Variants in GPC3 observed in about 807,000 individuals in gnomAD.
GPC3 encodes the protein glypican-3.
Under a neutral mutation model 34.4 loss-of-function variants are expected in GPC3, and 3 were observed. The observed-to-expected ratio is 0.09, with a 90% CI of 0.04 to 0.23. The LOEUF (loss-of-function observed/expected upper bound fraction) is 0.23. GPC3 is among the 10% of genes least tolerant of loss of function. The probability of loss-of-function intolerance (pLI) is 1.00; values close to 1 mark genes in which losing one functional copy is unlikely to be tolerated. For synonymous variants in GPC3, 177 were observed against 174.0 expected, an observed-to-expected ratio of 1.02 and a Z score of -0.13; for missense variants, 351 against 445.6, an observed-to-expected ratio of 0.79 and a Z score of 1.91.
chrX:133,847,377 A>T (rs1233358000), intron 2 of GPC3, among the ~76,000 whole-genome samples: 1 of 112,196 alleles, frequency 8.9e-6, no homozygotes, highest in Non-Finnish European at 1.9e-5. Flanking sequence ...TTCATTATTC[A>T]GGAAGAATAT....
chrX:133,600,643 G>A (rs1316639907), intron 6 of GPC3, among the ~76,000 whole-genome samples: 1 of 111,583 alleles, frequency 9.0e-6, no homozygotes, highest in Non-Finnish European at 1.9e-5. Context: ...TTAAAGAAGA[G>A]ACTGAAGCTC....
chrX:133,728,774 G>A (rs2071436974), intron 3 of GPC3, among the ~76,000 whole-genome samples: 1 of 112,197 alleles, frequency 8.9e-6, no homozygotes, highest in African/African-American at 3.2e-5. Flanking sequence ...CCTGAGTCTT[G>A]AAGGGCAATA....
chrX:133,556,906 G>A (rs1433688537), intron 7 of GPC3, among the ~76,000 whole-genome samples: 5 of 107,712 alleles, frequency 4.6e-5, no homozygotes, highest in Non-Finnish European at 7.7e-5. Context: ...ATGTACCCTA[G>A]AACTTAAAGT....
At chrX:133,627,380 T>G (rs2070316156) in intron 6 of GPC3, among the ~76,000 whole-genome samples, 1 of 111,993 alleles carries the variant, frequency 8.9e-6, no homozygotes, top group African/African-American at 3.2e-5. Context: ...AAAAGTATTC[T>G]TAAACCATGA....
chrX:133,656,346 G>A (rs2070664198), intron 6 of GPC3, among the ~76,000 whole-genome samples: 1 of 112,183 alleles, frequency 8.9e-6, no homozygotes, highest in Admixed American at 9.5e-5. Flanking sequence ...GGTGTGCCAT[G>A]TCTTGGTACA....
intron 2 of GPC3, among the ~76,000 whole-genome samples, chrX:133,795,674 C>T (rs747958237): frequency 5.4e-4 from 60 of 111,223 alleles, no homozygotes; most frequent in Non-Finnish European, 7.9e-4. Context: ...GGTTATGTTA[C>T]AAGTAATATA....
chrX:133,758,626 G>A (rs1442526626), intron 2 of GPC3, among the ~76,000 whole-genome samples: 1 of 110,485 alleles, frequency 9.1e-6, no homozygotes, highest in Non-Finnish European at 1.9e-5. Flanking sequence ...AGGTTGCTAA[G>A]CACAGTAAAT....
chrX:133,816,964 A>C (rs1452899985), intron 2 of GPC3, among the ~76,000 whole-genome samples: 1 of 112,196 alleles, frequency 8.9e-6, no homozygotes, highest in Non-Finnish European at 1.9e-5. Context: ...AAACAAAACA[A>C]AGGTGTATCT....
chrX:133,622,782 G>T (rs866404231), intron 6 of GPC3, among the ~76,000 whole-genome samples: 37 of 111,497 alleles, frequency 3.3e-4, no homozygotes, highest in African/African-American at 1.2e-3. Flanking sequence ...ACCTAGCAAG[G>T]CAGGCCAACA....
intron 6 of GPC3, among the ~76,000 whole-genome samples, chrX:133,617,624 C>T (rs1465359305): frequency 1.8e-5 from 2 of 111,826 alleles, no homozygotes; most frequent in Non-Finnish European, 3.8e-5. Context: ...ATAGTATCTT[C>T]CTAAGCAACC....
chrX:133,915,046 T>C (rs2086134017), intron 2 of GPC3, among the ~76,000 whole-genome samples: 1 of 103,606 alleles, frequency 9.7e-6, no homozygotes, highest in Admixed American at 1.0e-4. Flanking sequence ...TAAAAGATCA[T>C]TTTTTCTTAC....
intron 7 of GPC3, among the ~76,000 whole-genome samples, chrX:133,569,538 T>C (rs550174209): frequency 8.9e-6 from 1 of 112,374 alleles, no homozygotes; most frequent in South Asian, 3.7e-4. Context: ...GAGCTTTAAC[T>C]GAAGTAAAGA....
chrX:133,939,814 A>G (rs1365531133), intron 2 of GPC3, among the ~76,000 whole-genome samples: 1 of 111,552 alleles, frequency 9.0e-6, no homozygotes, highest in Non-Finnish European at 1.9e-5. Flanking sequence ...TTTAATTTCA[A>G]TAATGAAAGA....
intron 2 of GPC3, among the ~76,000 whole-genome samples, chrX:133,868,866 T>C (rs1172149790): frequency 9.0e-6 from 1 of 111,644 alleles, no homozygotes; most frequent in Non-Finnish European, 1.9e-5. Flanking sequence ...GCTATATAGT[T>C]TCCCCTCCTC....
rs191609009 is a variant in GPC3 at position 133,813,425 on chromosome X, G to A, written c.338-59249C>T. Reference sequence around the variant, plus strand: ...CTAATTACCCTGTCCTATGTACTCCGAAGACTAACCTCTGGGGGAAGTATT... The same window carrying A: ...CTAATTACCCTGTCCTATGTACTCCAAAGACTAACCTCTGGGGGAAGTATT... On this transcript the variant is annotated intron_variant, in intron 2 of 7. Transcript: ENST00000370818. Among the ~76,000 whole-genome samples the A allele has an allele frequency of 2.7e-5, 3 of 112,583 alleles. No homozygotes were observed. The Admixed American group carries it at 2.8e-4, about 11-fold the overall frequency.
intron 7 of GPC3, among the ~76,000 whole-genome samples, chrX:133,590,702 A>C (rs987870044): frequency 2.7e-5 from 3 of 111,839 alleles, no homozygotes; most frequent in Non-Finnish European, 5.6e-5. Context: ...CTTGGTAAGA[A>C]GCCCAGCTTG....
chrX:133,853,481 C>T (rs1352007473), intron 2 of GPC3, among the ~76,000 whole-genome samples: 1 of 112,064 alleles, frequency 8.9e-6, no homozygotes, highest in Non-Finnish European at 1.9e-5. Flanking sequence ...TTGGGAGTTA[C>T]TATATACTTG....
At chrX:133,720,329 C>A (rs764788026) in intron 3 of GPC3, among the ~76,000 whole-genome samples, 10 of 112,256 alleles carry the variant, frequency 8.9e-5, no homozygotes, top group Non-Finnish European at 1.7e-4. Flanking sequence ...ATCTTGAATT[C>A]CCACATGTTG....
chrX:133,959,780 A>G (rs2124638888), intron 1 of GPC3, among the ~76,000 whole-genome samples: 1 of 112,507 alleles, frequency 8.9e-6, no homozygotes, highest in African/African-American at 3.2e-5. Flanking sequence ...AGACTTTCAC[A>G]CAAAATAATA....
Sources: gnomAD v4.1 joint callset for allele counts (sites outside exome capture counted in the v4.1 genomes callset) on GRCh38, gnomAD v4.1.1 for gene constraint, MANE v1.5 for transcripts, NCBI Gene and HGNC (gene_info 2026-07-23, HGNC 2026-07-21) for gene names.